The following AKAP11 variants were observed in gnomAD, a reference collection of about 807,000 sequenced individuals.
AKAP11 encodes A-kinase anchor protein 11.
In AKAP11, 36 loss-of-function variants were observed where a neutral mutation model predicts 146.1. The ratio of observed to expected loss-of-function variants is 0.25; its 90% CI spans 0.19 to 0.33. The LOEUF is 0.33. AKAP11 is among the 10% of genes least tolerant of loss of function. The pLI, the probability that AKAP11 is intolerant of heterozygous loss-of-function variation, is 1.00. For synonymous variants in AKAP11, 780 were observed against 786.5 expected (o/e 0.99, Z 0.14); for missense variants, 2,201 against 2,197.0 (o/e 1.00, Z -0.04).
rs77053467 is a variant in AKAP11, at chr13:42,300,360, A to T, written c.1614A>T (p.Lys538Asn). The T allele has an allele frequency of 1.2e-6, 2 of 1,605,392 alleles. No homozygotes were observed. The highest frequency in any genetic ancestry group is 1.7e-6 in the Non-Finnish European group (2 of 1,177,586). Residue 538 changes from lysine (K) to asparagine (N), a missense_variant, in exon 8 of 13, where the codon AAA (lysine) becomes AAT (asparagine). Physicochemically the swap from Lys to Asn is moderately conservative, Grantham distance 94. Around this residue, in one of 3 missense-constraint regions of AKAP11, gnomAD observed 1,867 missense variants for 1,833.5 expected, o/e 1.02. Transcript: ENST00000025301. ...FKHGNLDQKN[K>N]SKNKSLMIKD... The stretch of plus-strand genomic sequence containing the variant: ...ATGGAAACCTTGATCAAAAAAATAA[A>T]TCTAAAAATAAATCCTTAATGATTA...
At chr13:42,272,320 C>T (rs918778373) in intron 1 of AKAP11, 92 bp downstream of exon 1, 5 of 152,166 alleles carry the variant, frequency 3.3e-5, no homozygotes, top group African/African-American at 4.8e-5. Flanking sequence ...CGGCCCGGCT[C>T]CGGCGCTCCA....
rs1182393115 is a variant in AKAP11 at position 42,319,012 on chromosome 13, T to C, written c.5566-76T>C. 33 of 1,471,480 alleles carry C rather than the reference T, an allele frequency of 2.2e-5. No homozygotes were observed. In the East Asian group the frequency reaches 8.1e-4, roughly 36 times the overall value. The allele number at this position is 1,471,480 out of a possible 1,614,324, so 91.2% of individuals were successfully genotyped here. On this transcript the variant is annotated intron_variant, in intron 12 of 12. Coordinates refer to ENST00000025301, the MANE Select transcript of AKAP11 (RefSeq NM_016248.4). ...AACAGCAGGATTCTTAAGTTTCAGC[T>C]AATATTGAAAATAAAAATAAAAGCT...
chr13:42,302,219 A>G lies in AKAP11; in HGVS notation c.3473A>G (p.Glu1158Gly). Residue 1158 changes from glutamate (E) to glycine (G), a missense_variant, in exon 8 of 13, where the codon GAA becomes GGA. Coordinates refer to ENST00000025301, the MANE Select transcript of AKAP11 (RefSeq NM_016248.4). ...SLSENEQNTIEKEEFMLKLMR... is the reference protein window; with the variant it reads ...SLSENEQNTIGKEEFMLKLMR... The stretch of plus-strand genomic sequence containing the variant: ...TCTGAGAATGAACAAAATACTATAG[A>G]AAAAGAAGAGTTCATGTTGAAACTC... The G allele has an allele frequency of 3.7e-6, 6 of 1,614,218 alleles. No homozygotes were observed. The highest frequency in any genetic ancestry group is 1.3e-5 in the African/African-American group (1 of 75,072).
Position 42,319,779 on chromosome 13 carries a change from C to A in AKAP11, c.*551C>A, listed in dbSNP as rs1241974587. On this transcript the variant is annotated 3_prime_UTR_variant, in exon 13 of 13. Coordinates refer to ENST00000025301, the MANE Select transcript of AKAP11 (RefSeq NM_016248.4). Reference sequence around the variant, plus strand: ...CAGCTATTGGTAGCTTTTTGATTTCCCCAAACTATTTAATTTCTTAGCAGA... The same window carrying A: ...CAGCTATTGGTAGCTTTTTGATTTCACCAAACTATTTAATTTCTTAGCAGA... The A allele has an allele frequency of 6.6e-6, 1 of 151,956 alleles. No homozygotes were observed. The highest frequency in any genetic ancestry group is 1.9e-4 in the East Asian group (1 of 5,308). 9.4% of individuals were successfully genotyped at this position (151,956 alleles called of 1,614,324 possible).
chr13:42,307,409 GA>G (rs1232661264), intron 8 of AKAP11, among the ~76,000 whole-genome samples: 1 of 152,124 alleles, frequency 6.6e-6, no homozygotes, highest in African/African-American at 2.4e-5. Flanking sequence ...TGCTTTGGGG[GA>G]AAAATAAAGC....
At position 42,303,806 on chromosome 13, in the gene AKAP11, G is replaced by A. The variant is rs1960107176; in HGVS notation, c.5060G>A (p.Ser1687Asn). Reference protein sequence around the residue: ...IGQEGASFAESLATETMTAAV... With the variant: ...IGQEGASFAENLATETMTAAV... ...CAGGAGGGTGCCAGCTTTGCTGAAAGCCTTGCCACAGAAACCATGACAGCA... is the reference window on the plus strand; with the variant it reads ...CAGGAGGGTGCCAGCTTTGCTGAAAACCTTGCCACAGAAACCATGACAGCA... Residue 1687 changes from serine (S) to asparagine (N), a missense_variant, in exon 8 of 13, where the codon AGC becomes AAC. Around this residue, in one of 3 missense-constraint regions of AKAP11, gnomAD observed 1,867 missense variants for 1,833.5 expected, o/e 1.02. Transcript: ENST00000025301. The A allele has an allele frequency of 1.2e-6, 2 of 1,608,024 alleles. No individual in the cohort carries two copies. The highest frequency in any genetic ancestry group is 1.7e-4 in the Middle Eastern group (1 of 6,044).
At chr13:42,316,724 C>T (rs1301400754) in intron 11 of AKAP11, among the ~76,000 whole-genome samples, 1 of 152,184 alleles carries the variant, frequency 6.6e-6, no homozygotes, top group Admixed American at 6.5e-5. Flanking sequence ...TCAGATCTCT[C>T]ACCTGTAGAA....
intron 4 of AKAP11, 24 bp from the exon 5 acceptor site, chr13:42,295,671 G>A: frequency 1.2e-6 from 2 of 1,605,762 alleles, no homozygotes; most frequent in Admixed American, 1.7e-5. Flanking sequence ...CAAATTAATG[G>A]AGGTTTATTT....
chr13:42,277,953 T>C (rs1958968082), intron 1 of AKAP11, among the ~76,000 whole-genome samples: 2 of 152,204 alleles, frequency 1.3e-5, no homozygotes, highest in South Asian at 4.1e-4. Flanking sequence ...TCTAAAGTGC[T>C]AAAATAGGGT....
At chr13:42,314,042 T>C in intron 11 of AKAP11, 102 bp downstream of exon 11, 1 of 1,109,316 alleles carries the variant, frequency 9.0e-7, no homozygotes, top group Non-Finnish European at 1.3e-6. Context: ...GTTATCAGTG[T>C]AAAACATTAT....
intron 1 of AKAP11, among the ~76,000 whole-genome samples, chr13:42,274,481 C>T (rs1179501517): frequency 6.7e-6 from 1 of 149,582 alleles, no homozygotes; most frequent in Non-Finnish European, 1.5e-5. Flanking sequence ...ACCAGGAGTT[C>T]AAGACCAGCC....
intron 3 of AKAP11, among the ~76,000 whole-genome samples, chr13:42,290,756 G>GT (rs1322128391): frequency 6.6e-6 from 1 of 152,072 alleles, no homozygotes; most frequent in African/African-American, 2.4e-5. Flanking sequence ...TGGCTTCTGT[G>GT]TTTTTTGAAA....
rs756745247 is a variant in AKAP11, at chr13:42,300,207, C to T, written c.1461C>T (p.Thr487=). The change falls in exon 8 of 13, where the codon ACC becomes ACT. Residue 487 remains threonine (T), a synonymous_variant. Coordinates refer to ENST00000025301, the MANE Select transcript of AKAP11 (RefSeq NM_016248.4). ...AAAATCATGATTCTGTTTATTACAC[C>T]TATGAAGACTATGCAAAAAGCATTT... is the stretch of plus-strand genomic sequence containing the variant. ...IHENHDSVYY[T]YEDYAKSISC... is the part of the protein sequence containing the mutation. 53 of 1,613,744 alleles carry T rather than the reference C, an allele frequency of 3.3e-5. No homozygotes were observed. The highest frequency in any genetic ancestry group is 4.2e-5 in the Non-Finnish European group (50 of 1,179,872).
chr13:42,304,657 C>T (rs2138630341), intron 8 of AKAP11, among the ~76,000 whole-genome samples: 1 of 152,304 alleles, frequency 6.6e-6, no homozygotes, highest in South Asian at 2.1e-4. Context: ...CATACTTACA[C>T]CATTTCTCTT....
At position 42,319,895 on chromosome 13, in the gene AKAP11, C is replaced by G. The variant is rs1240886394; in HGVS notation, c.*667C>G. ...TTATTTGCCAATGCTGCCAGTCATT[C>G]TGGCATGAAAGGTGTGTGTGTGTGT... On this transcript the variant is annotated 3_prime_UTR_variant, in exon 13 of 13. Coordinates refer to ENST00000025301, the MANE Select transcript of AKAP11 (RefSeq NM_016248.4). 7.9e-6 allele frequency: 1 copy of G among 126,244 alleles called. No homozygotes were observed. Among genetic ancestry groups the G allele is most frequent in the African/African-American group, 2.8e-5 (1 of 36,272 alleles). 7.8% of individuals were successfully genotyped at this position (126,244 alleles called of 1,614,324 possible).
At chr13:42,308,877 A>T (rs1960414849) in intron 9 of AKAP11, among the ~76,000 whole-genome samples, 1 of 151,474 alleles carries the variant, frequency 6.6e-6, no homozygotes. Context: ...CTTCTCCCAA[A>T]CTTTTTATGA....
chr13:42,296,837 G>A (rs3736845), intron 5 of AKAP11, among the ~76,000 whole-genome samples: 18,718 of 151,848 alleles, frequency 0.12, 1,294 homozygotes, highest in South Asian at 0.17. Flanking sequence ...TAAAGGCTAC[G>A]GGGATAGCCA....
In AKAP11 at chr13:42,302,327, A is replaced by G. The variant is rs752004325; in HGVS notation, c.3581A>G (p.Lys1194Arg). The change falls in exon 8 of 13, where the codon AAG (lysine) becomes AGG (arginine). Residue 1194 changes from lysine to arginine, a missense_variant. By Grantham distance (26) the Lys-to-Arg change is conservative. Coordinates refer to ENST00000025301, the MANE Select transcript of AKAP11 (RefSeq NM_016248.4). ...EVDVKSEHSG[K>R]KVQFAEALAT... ...GATGTGAAGTCGGAGCACTCAGGGA[A>G]GAAGGTTCAGTTTGCAGAAGCATTA... The G allele has an allele frequency of 5.0e-6, 8 of 1,614,208 alleles. No individual in the cohort carries two copies. The highest frequency in any genetic ancestry group is 5.9e-6 in the Non-Finnish European group (7 of 1,180,036).
At position 42,319,099 on chromosome 13, in the gene AKAP11, A is replaced by G; in HGVS notation, c.5577A>G (p.Gln1859=). 1 of 1,613,744 alleles carries G rather than the reference A, an allele frequency of 6.2e-7. No homozygotes were observed. Among genetic ancestry groups the G allele is most frequent in the Non-Finnish European group, 8.5e-7 (1 of 1,179,836 alleles). Residue 1859 remains glutamine, a synonymous_variant, in exon 13 of 13, where the codon CAA becomes CAG. Transcript: ENST00000025301. ...ANKEFMLLSK[Q]LQEKGWKVGD... ...TCTTTCTTTCTTAGCTTTCAAAACA[A>G]TTACAAGAGAAAGGATGGAAAGTGG...
Sources: allele counts gnomAD v4.1 joint callset (sites outside exome capture counted in the v4.1 genomes callset), GRCh38; gene constraint gnomAD v4.1.1; regional missense constraint gnomAD v4.1.1; transcripts MANE v1.5; gene names NCBI Gene and HGNC (gene_info 2026-07-23, HGNC 2026-07-21).